MYLK4: variants seen among roughly 807,000 people sequenced by gnomAD.
MYLK4 encodes myosin light chain kinase family member 4, also known as caMLCK like.
In MYLK4, 46 loss-of-function variants were observed where a neutral mutation model predicts 48.1. That is an observed-to-expected ratio of 0.96 (90% CI 0.75 to 1.22). The LOEUF is 1.22. Among genes scored for constraint, MYLK4 ranks in the 50% most tolerant of loss-of-function variants. MYLK4 has a pLI of 0.00. For synonymous variants in MYLK4, 170 were observed against 180.8 expected (o/e 0.94, Z 0.48); for missense variants, 451 against 486.1 (o/e 0.93, Z 0.68).
chr6:2,766,252 C>A, the MYLK4 span: 1 of 1,522,178 alleles, frequency 6.6e-7, no homozygotes, highest in Non-Finnish European at 8.8e-7. Context: ...GCCCGCACCC[C>A]CGGGCGCTGG....
intron 2 of MYLK4, among the ~76,000 whole-genome samples, chr6:2,725,525 GAA>G (rs1763227007): frequency 7.4e-5 from 9 of 121,000 alleles, no homozygotes; most frequent in African/African-American, 2.4e-4. Context: ...CAGAGAGAGA[GAA>G]AAAGAAACAA....
At chr6:2,765,884 G>A in the MYLK4 span, 35 of 1,450,710 alleles carry the variant, frequency 2.4e-5, no homozygotes, top group East Asian at 3.0e-5. Flanking sequence ...CACCCCGACG[G>A]CAGCCGAGAG....
intron 2 of MYLK4, among the ~76,000 whole-genome samples, chr6:2,717,136 C>G (rs866073146): frequency 1.3e-5 from 2 of 152,212 alleles, no homozygotes; most frequent in African/African-American, 4.8e-5. Flanking sequence ...AGGTGAACTC[C>G]TGAACTTTCC....
At chr6:2,737,516 G>A (rs1763721073) in intron 2 of MYLK4, among the ~76,000 whole-genome samples, 1 of 152,180 alleles carries the variant, frequency 6.6e-6, no homozygotes, top group Non-Finnish European at 1.5e-5. Context: ...TTGGGGTGGG[G>A]AGGAACGAAC....
chr6:2,688,092 C>A (rs1350285558), intron 4 of MYLK4, among the ~76,000 whole-genome samples: 1 of 151,484 alleles, frequency 6.6e-6, no homozygotes, highest in Non-Finnish European at 1.5e-5. Context: ...CAGAGTCTTA[C>A]TCTGTCACCA....
chr6:2,682,194 T>C (rs987488714), intron 7 of MYLK4, among the ~76,000 whole-genome samples: 8 of 152,226 alleles, frequency 5.3e-5, no homozygotes, highest in African/African-American at 1.9e-4. Flanking sequence ...ATAGATTGTA[T>C]ATTTTATGTT....
At chr6:2,683,377 A>C (rs1761393431) in intron 6 of MYLK4, among the ~76,000 whole-genome samples, 3 of 134,238 alleles carry the variant, frequency 2.2e-5, no homozygotes, top group Non-Finnish European at 3.2e-5. Flanking sequence ...TCCTCAAGCC[A>C]ACTCCCCACC....
chr6:2,688,233 AT>A (rs1761634502), intron 4 of MYLK4, among the ~76,000 whole-genome samples: 1 of 151,724 alleles, frequency 6.6e-6, no homozygotes, highest in African/African-American at 2.4e-5. Context: ...TAATTTTTGT[AT>A]TTTTAATAGA....
chr6:2,672,753 A>G lies in MYLK4; in HGVS notation c.1120-1405T>C, dbSNP rs912565984. On this transcript the variant is annotated intron_variant, in intron 11 of 12. Transcript: ENST00000274643. This position sits in a 1 kb window ranked among gnomAD's most constrained non-coding sequence, Gnocchi z 4.3. The stretch of plus-strand genomic sequence containing the variant: ...TGTATGGTACAAGAAAGGCTCTGGA[A>G]GCATCGCTCAGGTCCCCTGTACCCA... Among the ~76,000 whole-genome samples, 1 of 152,202 alleles carries G rather than the reference A, an allele frequency of 6.6e-6. No individual in the cohort carries two copies. Among genetic ancestry groups the G allele is most frequent in the African/African-American group, 2.4e-5 (1 of 41,448 alleles).
chr6:2,764,229 T>C, the MYLK4 span, among the ~76,000 whole-genome samples: 1 of 152,226 alleles, frequency 6.6e-6, no homozygotes, highest in East Asian at 1.9e-4. Flanking sequence ...AATCTTATTT[T>C]TGAGCCTAAC....
chr6:2,722,006 G>C (rs559119803), intron 2 of MYLK4, among the ~76,000 whole-genome samples: 1 of 152,330 alleles, frequency 6.6e-6, no homozygotes, highest in South Asian at 2.1e-4. Context: ...TCTAAACAGG[G>C]AGTAAAATAA....
intron 2 of MYLK4, among the ~76,000 whole-genome samples, chr6:2,736,285 C>T (rs570704753): frequency 1.4e-4 from 22 of 152,322 alleles, no homozygotes; most frequent in Admixed American, 1.0e-3. Flanking sequence ...GATGGAGTCT[C>T]GCTCTGTCAC....
At chr6:2,743,927 T>G (rs1763980149) in intron 2 of MYLK4, 1 of 398,554 alleles carries the variant, frequency 2.5e-6, no homozygotes, top group African/African-American at 2.1e-5. Context: ...AGTCTGCCAG[T>G]GGCCTCCCCG....
intron 2 of MYLK4, among the ~76,000 whole-genome samples, chr6:2,721,221 G>A (rs998981512): frequency 2.0e-5 from 3 of 152,050 alleles, no homozygotes; most frequent in African/African-American, 7.2e-5. Context: ...TCCAAGAAAG[G>A]TTCCTAGACT....
At chr6:2,752,270 C>T (rs1462618565), upstream of MYLK4, among the ~76,000 whole-genome samples, 2 of 152,134 alleles carry the variant, frequency 1.3e-5, no homozygotes, top group Non-Finnish European at 2.9e-5. Context: ...TCAGAGTTCC[C>T]CTTGCCCTGC....
At chr6:2,678,657 G>T (rs1209916850) in intron 9 of MYLK4, among the ~76,000 whole-genome samples, 1 of 151,234 alleles carries the variant, frequency 6.6e-6, no homozygotes, top group East Asian at 1.9e-4. Flanking sequence ...GATGGCAAAC[G>T]CTAGGCATGT....
chr6:2,744,623 T>C (rs1423665504), intron 2 of MYLK4, among the ~76,000 whole-genome samples: 1 of 152,204 alleles, frequency 6.6e-6, no homozygotes, highest in Admixed American at 6.5e-5. Flanking sequence ...ATCCACACTT[T>C]ACTCCAACCC....
chr6:2,765,700 G>T, the MYLK4 span: 1 of 1,548,426 alleles, frequency 6.5e-7, no homozygotes. Flanking sequence ...GCCAGCAGAT[G>T]ATGCCCGCCG....
chr6:2,712,301 G>A (rs1317366242), intron 2 of MYLK4, among the ~76,000 whole-genome samples: 1 of 152,174 alleles, frequency 6.6e-6, no homozygotes, highest in African/African-American at 2.4e-5. Flanking sequence ...GCTGTGTTCA[G>A]TAGCACTCAC....
Sources: gnomAD v4.1 joint callset for allele counts (sites outside exome capture counted in the v4.1 genomes callset) on GRCh38, gnomAD v4.1.1 for gene constraint, Gnocchi (gnomAD v3.1) non-coding constraint, MANE v1.5 for transcripts, NCBI Gene and HGNC (gene_info 2026-07-23, HGNC 2026-07-21) for gene names.